The following DYNC2I2 variants were observed in gnomAD, a reference collection of about 807,000 sequenced individuals.
The protein encoded by DYNC2I2 is dynein 2 intermediate chain 2.
A neutral mutation model predicts 52.0 loss-of-function variants in DYNC2I2; 39 were observed. That is an observed-to-expected ratio of 0.75 (90% CI 0.58 to 0.98). The LOEUF (loss-of-function observed/expected upper bound fraction) is 0.98. Among genes scored for constraint, DYNC2I2 ranks in the 50% least tolerant of loss-of-function variants. The pLI, the probability that DYNC2I2 is intolerant of heterozygous loss-of-function variation, is 0.00. For missense variants in DYNC2I2, 743 were observed against 728.4 expected (o/e 1.02, Z -0.23); for synonymous variants, 359 against 321.1 (o/e 1.12, Z -1.26).
chr9:128,667,916 A>G, the DYNC2I2 span, among the ~76,000 whole-genome samples: 2 of 130,628 alleles, frequency 1.5e-5, no homozygotes, highest in Non-Finnish European at 3.2e-5. Flanking sequence ...TATTTGTAGT[A>G]GAGATGGGGT....
the DYNC2I2 span, among the ~76,000 whole-genome samples, chr9:128,676,566 C>G: frequency 6.8e-6 from 1 of 147,620 alleles, no homozygotes; most frequent in African/African-American, 2.5e-5. Flanking sequence ...GAGTCTTGCT[C>G]TGTCGCCCAG....
intron 2 of DYNC2I2, among the ~76,000 whole-genome samples, chr9:128,639,138 G>T (rs1252643225): frequency 1.3e-5 from 2 of 152,044 alleles, no homozygotes; most frequent in Non-Finnish European, 2.9e-5. Flanking sequence ...GGTGGCTCAC[G>T]CCTGTAATCA....
intron 1 of DYNC2I2, among the ~76,000 whole-genome samples, chr9:128,643,526 C>CA (rs539379955): frequency 0.064 from 6,899 of 108,618 alleles, 453 homozygotes; most frequent in African/African-American, 0.19. Flanking sequence ...GACTCCATCT[C>CA]AAAAAAAAAA....
the DYNC2I2 span, among the ~76,000 whole-genome samples, chr9:128,662,900 G>C: frequency 4.0e-5 from 6 of 151,650 alleles, no homozygotes; most frequent in African/African-American, 9.7e-5. Flanking sequence ...TGCCTCACAG[G>C]TTCAAGCATT....
At chr9:128,684,269 G>T in the DYNC2I2 span, among the ~76,000 whole-genome samples, 11 of 152,064 alleles carry the variant, frequency 7.2e-5, no homozygotes, top group East Asian at 2.1e-3. Context: ...TCCTCCTCTG[G>T]GGCTCCCTTT....
At chr9:128,663,887 A>C in the DYNC2I2 span, among the ~76,000 whole-genome samples, 1 of 150,734 alleles carries the variant, frequency 6.6e-6, no homozygotes, top group African/African-American at 2.4e-5. Context: ...TCCTGGGCTC[A>C]AGCGATTCGT....
Position 128,633,704 on chromosome 9 carries a change from C to T in DYNC2I2, c.*40G>A. 1 of 1,581,602 alleles carries T rather than the reference C, an allele frequency of 6.3e-7. No homozygotes were observed. Among genetic ancestry groups the T allele is most frequent in the South Asian group, 1.1e-5 (1 of 88,320 alleles). ...TTTGGCTTGCGTCAGAAACACAAGG[C>T]TCGGCACAGCGAAGGCTTGCACCCG... On this transcript the variant is annotated 3_prime_UTR_variant, in exon 9 of 9. Transcript: ENST00000372715.
intron 1 of DYNC2I2, among the ~76,000 whole-genome samples, chr9:128,649,505 A>G (rs1860684026): frequency 6.6e-6 from 1 of 151,538 alleles, no homozygotes; most frequent in Non-Finnish European, 1.5e-5. Flanking sequence ...CCTGGCCAAC[A>G]TGGTGAAACC....
At position 128,634,677 on chromosome 9, in the gene DYNC2I2, T is replaced by C. The variant is rs1011608441; in HGVS notation, c.1214+12A>G. ...CCCTGGCCCCACTGTGCCCCAGGCC[T>C]GCCCTACGTACCTGTGGAAGGGGGA... On this transcript the variant is annotated intron_variant, in intron 7 of 8. Transcript: ENST00000372715. The C allele has an allele frequency of 2.0e-6, 3 of 1,527,898 alleles. No individual in the cohort carries two copies. Among genetic ancestry groups the C allele is most frequent in the Non-Finnish European group, 2.6e-6 (3 of 1,133,096 alleles). 94.6% of individuals were successfully genotyped at this position (1,527,898 alleles called of 1,614,324 possible).
chr9:128,635,851 C>CA, intron 4 of DYNC2I2, 84 bp from the exon 5 acceptor site: 1 of 1,178,634 alleles, frequency 8.5e-7, no homozygotes, highest in South Asian at 1.4e-5. Flanking sequence ...AGCCCACCTA[C>CA]AGGGCCAGGG....
chr9:128,667,473 C>A, the DYNC2I2 span, among the ~76,000 whole-genome samples: 1 of 134,900 alleles, frequency 7.4e-6, no homozygotes, highest in African/African-American at 2.8e-5. Context: ...CTACAGGCGC[C>A]CGCCACCACG....
At chr9:128,675,300 C>A in the DYNC2I2 span, among the ~76,000 whole-genome samples, 2 of 152,090 alleles carry the variant, frequency 1.3e-5, no homozygotes, top group South Asian at 4.2e-4. Flanking sequence ...GCTGCAGCCT[C>A]CCAACTAGCT....
the DYNC2I2 span, among the ~76,000 whole-genome samples, chr9:128,666,641 C>G: frequency 6.6e-6 from 1 of 151,626 alleles, no homozygotes; most frequent in Non-Finnish European, 1.5e-5. Context: ...TGCCTATAAT[C>G]CCAGCTACTC....
chr9:128,647,406 G>A (rs1370417232), intron 1 of DYNC2I2, among the ~76,000 whole-genome samples: 1 of 152,158 alleles, frequency 6.6e-6, no homozygotes, highest in African/African-American at 2.4e-5. Context: ...GAGTGTCAAG[G>A]ACGCTAGGCC....
At position 128,633,974 on chromosome 9, in the gene DYNC2I2, G is replaced by A. The variant is rs1409997452; in HGVS notation, c.1381C>T (p.Gln461Ter). The A allele has an allele frequency of 6.2e-7, 1 of 1,613,012 alleles. No individual in the cohort carries two copies. The highest frequency in any genetic ancestry group is 2.2e-5 in the East Asian group (1 of 44,884). Residue 461 changes from glutamine (Q) to a stop codon, truncating the protein, a stop_gained, in exon 9 of 9, where the codon CAG becomes TAG. Coordinates refer to ENST00000372715, the MANE Select transcript of DYNC2I2 (RefSeq NM_052844.4). LOFTEE classifies it high-confidence loss of function. The part of the protein sequence containing the change: ...FAAASGKGDV[Q>*]LFDLQKSSQK... The stretch of plus-strand genomic sequence containing the variant: ...GAGCTTTTCTGGAGATCAAACAGCT[G>A]CACGTCACCTGCAAAGAGAGACAGA...
chr9:128,664,162 A>G, the DYNC2I2 span, among the ~76,000 whole-genome samples: 1 of 151,926 alleles, frequency 6.6e-6, no homozygotes, highest in Admixed American at 6.6e-5. Context: ...GGGTTTCACC[A>G]TGTTAGCTAG....
chr9:128,638,067 T>C (rs546957021), intron 2 of DYNC2I2, among the ~76,000 whole-genome samples: 6 of 151,388 alleles, frequency 4.0e-5, no homozygotes, highest in African/African-American at 1.5e-4. Context: ...TGAAACCCCG[T>C]CTCTACCAAA....
At chr9:128,644,598 TTGTC>T (rs1458768788) in intron 1 of DYNC2I2, among the ~76,000 whole-genome samples, 1 of 152,118 alleles carries the variant, frequency 6.6e-6, no homozygotes, top group East Asian at 1.9e-4. Context: ...TGCCACTAGA[TTGTC>T]TGACCTCACG....
the DYNC2I2 span, among the ~76,000 whole-genome samples, chr9:128,678,574 G>T: frequency 3.5e-5 from 5 of 141,530 alleles, no homozygotes; most frequent in African/African-American, 1.1e-4. Flanking sequence ...CGATTCTCCT[G>T]CCTCAGCTTC....
Sources: gnomAD v4.1 joint callset for allele counts (sites outside exome capture counted in the v4.1 genomes callset) on GRCh38, gnomAD v4.1.1 for gene constraint, MANE v1.5 for transcripts, NCBI Gene and HGNC (gene_info 2026-07-23, HGNC 2026-07-21) for gene names.